PKNOX2: variants seen among roughly 807,000 people sequenced by gnomAD.
PKNOX2 encodes PBX/knotted 1 homeobox 2.
PKNOX2 carries 14 observed loss-of-function variants against 53.1 expected under a neutral mutation model. The ratio of observed to expected loss-of-function variants is 0.26; its 90% CI spans 0.17 to 0.41. PKNOX2 has a LOEUF of 0.41. Among genes scored for constraint, PKNOX2 ranks in the 10% least tolerant of loss-of-function variants. The pLI is 1.00. For missense variants in PKNOX2, 496 were observed against 602.8 expected (o/e 0.82, Z 1.85); for synonymous variants, 257 against 242.8 (o/e 1.06, Z -0.54).
chr11:125,261,227 G>A (rs1277598887), intron 2 of PKNOX2, among the ~76,000 whole-genome samples: 3 of 152,174 alleles, frequency 2.0e-5, no homozygotes, highest in Non-Finnish European at 1.5e-5. Flanking sequence ...AGGATGGGAT[G>A]TTGCTGCTTC....
intron 10 of PKNOX2, among the ~76,000 whole-genome samples, chr11:125,419,654 T>C (rs1185574845): frequency 1.3e-5 from 2 of 151,774 alleles, no homozygotes; most frequent in African/African-American, 4.9e-5. Context: ...GCAATGACTA[T>C]GAAAGGCTGT....
chr11:125,358,773 G>A (rs1951758154), intron 4 of PKNOX2, among the ~76,000 whole-genome samples: 2 of 152,200 alleles, frequency 1.3e-5, no homozygotes, highest in East Asian at 3.9e-4. Flanking sequence ...CAGGATTTGG[G>A]ATCCCTGAGG....
chr11:125,211,316 G>A (rs1023696553), intron 1 of PKNOX2, among the ~76,000 whole-genome samples: 4 of 152,048 alleles, frequency 2.6e-5, no homozygotes, highest in Non-Finnish European at 5.9e-5. Flanking sequence ...GTATTTTTAT[G>A]TATTCCTTTA....
At chr11:125,368,434 C>T (rs1952314039) in intron 5 of PKNOX2, among the ~76,000 whole-genome samples, 1 of 152,206 alleles carries the variant, frequency 6.6e-6, no homozygotes, top group South Asian at 2.1e-4. Context: ...CTTGTTAAAA[C>T]ACATGGTTTT....
chr11:125,274,301 C>T (rs564700985), intron 2 of PKNOX2, among the ~76,000 whole-genome samples: 79 of 152,242 alleles, frequency 5.2e-4, no homozygotes, highest in Middle Eastern at 3.4e-3. Context: ...CTTTCAGAAC[C>T]TTATGGTCTC....
chr11:125,195,117 T>TA (rs1251753664), intron 1 of PKNOX2, among the ~76,000 whole-genome samples: 6 of 152,306 alleles, frequency 3.9e-5, no homozygotes. Context: ...TCTGAACTCT[T>TA]AACCACTCCA....
chr11:125,241,976 A>G (rs992397546), intron 2 of PKNOX2, among the ~76,000 whole-genome samples: 2 of 152,214 alleles, frequency 1.3e-5, no homozygotes, highest in Non-Finnish European at 2.9e-5. Flanking sequence ...TAAGCCCCCA[A>G]GCTCCAGGAT....
intron 3 of PKNOX2, among the ~76,000 whole-genome samples, chr11:125,346,261 C>G: frequency 6.6e-6 from 1 of 152,038 alleles, no homozygotes; most frequent in East Asian, 1.9e-4. Flanking sequence ...ACCTCAGGGG[C>G]CTCCTTCCCA....
intron 5 of PKNOX2, among the ~76,000 whole-genome samples, chr11:125,382,647 T>C (rs2135357260): frequency 6.6e-6 from 1 of 152,340 alleles, no homozygotes; most frequent in East Asian, 1.9e-4. Context: ...ACTGCAGGGC[T>C]CTGCTTAAAT....
rs10466606 is a variant in PKNOX2 at position 125,432,332 on chromosome 11, A to G, written c.*940A>G. 0.016 allele frequency: 2,404 copies of G among 152,970 alleles called. 51 individuals carry two copies. The highest frequency in any genetic ancestry group is 0.045 in the African/African-American group (1,859 of 41,564). The allele number at this position is 152,970 out of a possible 1,614,324, so 9.5% of individuals were successfully genotyped here. ...AGAAGGTGAAACCAGGTTATCTGGG[A>G]ATCTTTCCAGCCCGCAGGTCGCCAC... is the stretch of plus-strand genomic sequence containing the variant. On this transcript the variant is annotated 3_prime_UTR_variant, in exon 13 of 13. Coordinates refer to ENST00000298282, the MANE Select transcript of PKNOX2 (RefSeq NM_001382323.2).
chr11:125,332,180 G>T (rs1276982235), intron 3 of PKNOX2, among the ~76,000 whole-genome samples: 3 of 152,150 alleles, frequency 2.0e-5, no homozygotes, highest in African/African-American at 7.2e-5. Flanking sequence ...AACAATAAAT[G>T]GTGGTTGATA....
intron 2 of PKNOX2, among the ~76,000 whole-genome samples, chr11:125,273,778 A>G (rs1945977155): frequency 6.6e-6 from 1 of 152,174 alleles, no homozygotes; most frequent in African/African-American, 2.4e-5. Flanking sequence ...TTTTAGCTCT[A>G]ACATTCTATA....
chr11:125,372,544 G>A (rs939332925), intron 5 of PKNOX2, among the ~76,000 whole-genome samples: 1 of 152,154 alleles, frequency 6.6e-6, no homozygotes, highest in Non-Finnish European at 1.5e-5. Flanking sequence ...CACCTGGTGT[G>A]GATAGGTGTT....
chr11:125,167,512 G>A (rs188002181), intron 1 of PKNOX2, among the ~76,000 whole-genome samples: 8 of 152,310 alleles, frequency 5.3e-5, no homozygotes, highest in Admixed American at 2.6e-4. Context: ...CCCTTTGTGA[G>A]CGGGAAAGGC....
At chr11:125,318,561 A>G (rs1190276587) in intron 2 of PKNOX2, among the ~76,000 whole-genome samples, 3 of 152,138 alleles carry the variant, frequency 2.0e-5, no homozygotes, top group African/African-American at 7.2e-5. Flanking sequence ...TCAAACGTTT[A>G]CCACGTCAGC....
At position 125,222,914 on chromosome 11, in the gene PKNOX2, G is replaced by A. The variant is rs1348938649; in HGVS notation, c.-200-12131G>A. On this transcript the variant is annotated intron_variant, in intron 1 of 12. Transcript: ENST00000298282. Reference sequence around the variant, plus strand: ...AGGAGTCCATGAATGTTGAATGAATGAATGAGCCTAGTTAGGAGTGAATGC... The same window carrying A: ...AGGAGTCCATGAATGTTGAATGAATAAATGAGCCTAGTTAGGAGTGAATGC... 3.9e-5 allele frequency among the ~76,000 whole-genome samples: 6 copies of A among 152,268 alleles called. No homozygotes were observed. In the East Asian group the frequency reaches 1.2e-3, roughly 29 times the overall value.
intron 1 of PKNOX2, among the ~76,000 whole-genome samples, chr11:125,169,776 G>C (rs1182982649): frequency 6.6e-6 from 1 of 152,148 alleles, no homozygotes. Flanking sequence ...CTGGCTCCAG[G>C]GCCTTCCCCA....
At chr11:125,299,294 T>C (rs1207974906) in intron 2 of PKNOX2, among the ~76,000 whole-genome samples, 2 of 152,072 alleles carry the variant, frequency 1.3e-5, no homozygotes, top group East Asian at 3.9e-4. Flanking sequence ...GACACTGGGG[T>C]CACATTTCAG....
At chr11:125,327,950 T>C (rs1395267809) in intron 2 of PKNOX2, among the ~76,000 whole-genome samples, 2 of 152,144 alleles carry the variant, frequency 1.3e-5, no homozygotes, top group East Asian at 1.9e-4. Context: ...GAGAACAGGG[T>C]CAGCTTCTTT....
Sources: allele counts gnomAD v4.1 joint callset (sites outside exome capture counted in the v4.1 genomes callset), GRCh38; gene constraint gnomAD v4.1.1; transcripts MANE v1.5; gene names NCBI Gene and HGNC (gene_info 2026-07-23, HGNC 2026-07-21).